KLF12: variants seen among roughly 807,000 people sequenced by gnomAD.
KLF12 encodes Krueppel-like factor 12.
In KLF12, 9 loss-of-function variants were observed where a neutral mutation model predicts 37.8. The ratio of observed to expected loss-of-function variants is 0.24; its 90% CI spans 0.14 to 0.42. KLF12 has a LOEUF of 0.42. KLF12 is among the 10% of genes least tolerant of loss of function. The pLI, the probability that KLF12 is intolerant of heterozygous loss-of-function variation, is 1.00. For synonymous variants in KLF12, 208 were observed against 202.1 expected, an observed-to-expected ratio of 1.03 and a Z score of -0.25; for missense variants, 411 against 516.0, an observed-to-expected ratio of 0.80 and a Z score of 1.97.
At chr13:74,204,077 C>T in the KLF12 span, among the ~76,000 whole-genome samples, 1 of 152,148 alleles carries the variant, frequency 6.6e-6, no homozygotes, top group Admixed American at 6.6e-5. Flanking sequence ...TCTCTTCCAT[C>T]ACCACCACCA....
At chr13:73,780,982 T>C (rs545911295) in intron 5 of KLF12, among the ~76,000 whole-genome samples, 5 of 152,354 alleles carry the variant, frequency 3.3e-5, no homozygotes, top group Admixed American at 3.3e-4. Context: ...AAATCTTTCA[T>C]GAAAGGCAGT....
intron 7 of KLF12, among the ~76,000 whole-genome samples, chr13:73,700,541 C>A (rs1874476141): frequency 6.6e-6 from 1 of 151,584 alleles, no homozygotes; most frequent in Non-Finnish European, 1.5e-5. Context: ...TCCCATTGCC[C>A]CATTAATAAA....
chr13:74,108,495 T>C (rs1193211407), intron 1 of KLF12, among the ~76,000 whole-genome samples: 3 of 152,128 alleles, frequency 2.0e-5, no homozygotes, highest in African/African-American at 4.8e-5. Flanking sequence ...CAGTTGACCT[T>C]TGAATGTGGG....
intron 1 of KLF12, among the ~76,000 whole-genome samples, chr13:74,066,805 C>G (rs895003462): frequency 6.6e-6 from 1 of 152,200 alleles, no homozygotes; most frequent in Non-Finnish European, 1.5e-5. Flanking sequence ...AGCACCATCA[C>G]TCTGGCCTTC....
chr13:74,256,115 A>G, the KLF12 span, among the ~76,000 whole-genome samples: 1 of 151,074 alleles, frequency 6.6e-6, no homozygotes, highest in African/African-American at 2.4e-5. Flanking sequence ...AGATCGCGCC[A>G]CTGCACTCCA....
At chr13:74,279,814 A>G in the KLF12 span, among the ~76,000 whole-genome samples, 1 of 152,148 alleles carries the variant, frequency 6.6e-6, no homozygotes. Context: ...GTTTGATTTG[A>G]GATTTTAAGG....
intron 3 of KLF12, among the ~76,000 whole-genome samples, chr13:73,911,096 T>G (rs1218495953): frequency 1.4e-5 from 2 of 144,778 alleles, no homozygotes; most frequent in East Asian, 3.9e-4. Context: ...ACTAAGAGAT[T>G]TATTATCAAA....
chr13:73,999,753 C>G (rs1892223726), intron 1 of KLF12, among the ~76,000 whole-genome samples: 1 of 151,806 alleles, frequency 6.6e-6, no homozygotes, highest in African/African-American at 2.4e-5. Flanking sequence ...AAAACAAAAA[C>G]AAAAACAAAA....
At chr13:74,178,067 C>T in the KLF12 span, among the ~76,000 whole-genome samples, 5 of 152,328 alleles carry the variant, frequency 3.3e-5, no homozygotes, top group East Asian at 1.9e-4. Flanking sequence ...TAGCATTCTA[C>T]GGTGTCACCA....
the KLF12 span, among the ~76,000 whole-genome samples, chr13:74,242,600 A>G: frequency 6.6e-6 from 1 of 152,360 alleles, no homozygotes; most frequent in African/African-American, 2.4e-5. Flanking sequence ...AAATGATATC[A>G]ACACACACGT....
chr13:74,200,241 T>C, the KLF12 span, among the ~76,000 whole-genome samples: 1 of 152,040 alleles, frequency 6.6e-6, no homozygotes, highest in Non-Finnish European at 1.5e-5. Flanking sequence ...GCCTGAGTCC[T>C]GCATAATTCA....
At chr13:73,712,000 T>C (rs572898624) in intron 7 of KLF12, among the ~76,000 whole-genome samples, 2 of 152,256 alleles carry the variant, frequency 1.3e-5, no homozygotes, top group South Asian at 2.1e-4. Context: ...AGGGCTTCCA[T>C]GGAGAAAGGA....
chr13:73,976,825 G>A (rs775082149), intron 2 of KLF12, among the ~76,000 whole-genome samples: 1 of 152,090 alleles, frequency 6.6e-6, no homozygotes, highest in South Asian at 2.1e-4. Flanking sequence ...AATTCTAAAT[G>A]AGTACACCTA....
At chr13:74,039,517 G>A (rs976892651) in intron 1 of KLF12, among the ~76,000 whole-genome samples, 19 of 151,746 alleles carry the variant, frequency 1.3e-4, no homozygotes, top group African/African-American at 4.4e-4. Context: ...GCAACACAAC[G>A]AGACCCCATC....
upstream of KLF12, among the ~76,000 whole-genome samples, chr13:74,134,153 G>C (rs530574845): frequency 6.7e-6 from 1 of 148,888 alleles, no homozygotes; most frequent in African/African-American, 2.5e-5. Context: ...AAACCGGAGA[G>C]GCGCTTGGGG....
intron 1 of KLF12, among the ~76,000 whole-genome samples, chr13:74,009,061 C>G (rs1892483333): frequency 6.6e-6 from 1 of 152,086 alleles, no homozygotes; most frequent in Non-Finnish European, 1.5e-5. Context: ...CAAAGCTGGC[C>G]GAGGATGGAT....
chr13:73,777,406 G>A (rs1417451886), intron 5 of KLF12, among the ~76,000 whole-genome samples: 1 of 152,120 alleles, frequency 6.6e-6, no homozygotes, highest in East Asian at 1.9e-4. Context: ...ACAAGATAGT[G>A]TCATATAAGA....
At chr13:73,870,977 G>A (rs1384299249) in intron 3 of KLF12, among the ~76,000 whole-genome samples, 1 of 152,144 alleles carries the variant, frequency 6.6e-6, no homozygotes, top group African/African-American at 2.4e-5. Flanking sequence ...ATATAAATAA[G>A]TACAAAGTAT....
At chr13:73,892,518 G>A (rs562737070) in intron 3 of KLF12, among the ~76,000 whole-genome samples, 3 of 152,218 alleles carry the variant, frequency 2.0e-5, no homozygotes, top group Admixed American at 6.5e-5. Context: ...AAATAGGAAC[G>A]TATAAAAACC....
Sources: allele counts gnomAD v4.1 joint callset (sites outside exome capture counted in the v4.1 genomes callset), GRCh38; gene constraint gnomAD v4.1.1; transcripts MANE v1.5; gene names NCBI Gene and HGNC (gene_info 2026-07-23, HGNC 2026-07-21).